The following PCDHA8 variants were observed in gnomAD, a reference collection of about 807,000 sequenced individuals.
PCDHA8 encodes protocadherin alpha-8.
PCDHA8 carries 53 observed loss-of-function variants against 61.8 expected under a neutral mutation model. That is an observed-to-expected ratio of 0.86 (90% confidence interval 0.69 to 1.08). The LOEUF (loss-of-function observed/expected upper bound fraction) is 1.08, where lower values mean the gene tolerates loss of function less well. Among genes scored for constraint, PCDHA8 ranks in the 50% least tolerant of loss-of-function variants. PCDHA8 has a pLI of 0.00. For synonymous variants in PCDHA8, 618 were observed against 556.6 expected (o/e 1.11, Z -1.55); for missense variants, 1,293 against 1,245.0 (o/e 1.04, Z -0.58).
At chr5:140,922,181 A>G (rs2080696715) in intron 1 of PCDHA8, among the ~76,000 whole-genome samples, 1 of 152,324 alleles carries the variant, frequency 6.6e-6, no homozygotes, top group South Asian at 2.1e-4. Context: ...GCAGACAAAA[A>G]AAAAGTCTTA....
At chr5:140,986,694 C>T (rs556228464) in intron 3 of PCDHA8, among the ~76,000 whole-genome samples, 1 of 152,266 alleles carries the variant, frequency 6.6e-6, no homozygotes, top group South Asian at 2.1e-4. Context: ...TTTCAAAACA[C>T]ACAGCACTGC....
intron 1 of PCDHA8, chr5:140,882,902 C>T (rs1554176043): frequency 6.2e-7 from 1 of 1,614,196 alleles, no homozygotes; most frequent in Admixed American, 1.7e-5. Flanking sequence ...TAGTTTATTA[C>T]TGACAGCCAG....
At chr5:140,909,484 G>A (rs981292788) in intron 1 of PCDHA8, among the ~76,000 whole-genome samples, 1 of 152,180 alleles carries the variant, frequency 6.6e-6, no homozygotes, top group African/African-American at 2.4e-5. Context: ...CTAAATAGGA[G>A]AGCTGAACGG....
chr5:140,899,259 G>C (rs2067235630), intron 1 of PCDHA8, among the ~76,000 whole-genome samples: 1 of 152,126 alleles, frequency 6.6e-6, no homozygotes, highest in African/African-American at 2.4e-5. Context: ...GGGCATCCCT[G>C]TCTTGTGGCA....
In PCDHA8 at chr5:140,856,944, G is replaced by A; in HGVS notation, c.2394+13229G>A. Reference sequence around the variant, plus strand: ...AAATTTTGGATAAACGAAAGGACGGGAGAAATAAAAGTAAATGATGCTATT... The same window carrying A: ...AAATTTTGGATAAACGAAAGGACGGAAGAAATAAAAGTAAATGATGCTATT... On this transcript the variant is annotated intron_variant, in intron 1 of 3. Transcript: ENST00000531613. 1.9e-6 allele frequency: 3 copies of A among 1,593,674 alleles called. 1 individual carries two copies. The highest frequency in any genetic ancestry group is 2.6e-6 in the Non-Finnish European group (3 of 1,163,664).
intron 3 of PCDHA8, among the ~76,000 whole-genome samples, chr5:141,009,288 C>G (rs373954362): frequency 6.6e-6 from 1 of 152,068 alleles, no homozygotes; most frequent in African/African-American, 2.4e-5. Flanking sequence ...GATCCCATTT[C>G]TATAAAATTT....
intron 1 of PCDHA8, among the ~76,000 whole-genome samples, chr5:140,894,100 G>C (rs1554185932): frequency 2.0e-5 from 3 of 151,990 alleles, no homozygotes; most frequent in African/African-American, 7.3e-5. Context: ...CTAGCTCCTG[G>C]TGTTGCAGAT....
chr5:140,882,451 G>T (rs2059142751), intron 1 of PCDHA8: 4 of 1,613,922 alleles, frequency 2.5e-6, no homozygotes, highest in African/African-American at 1.3e-5. Flanking sequence ...AGCTGGTGCC[G>T]CGCCTGTTCC....
At chr5:140,866,158 A>G (rs560063709) in intron 1 of PCDHA8, 1 of 152,270 alleles carries the variant, frequency 6.6e-6, no homozygotes, top group East Asian at 1.9e-4. Context: ...ATAAGTAAGA[A>G]TCGTTTAACA....
chr5:140,870,339 G>A (rs1554164098), intron 1 of PCDHA8: 1 of 1,614,064 alleles, frequency 6.2e-7, no homozygotes, highest in East Asian at 2.2e-5. Context: ...ACAGCGCCCT[G>A]GACCGCGAGA....
chr5:140,941,185 C>CTTT (rs782102770), intron 1 of PCDHA8, among the ~76,000 whole-genome samples: 77 of 102,238 alleles, frequency 7.5e-4, no homozygotes, highest in Admixed American at 3.0e-3. Flanking sequence ...CATCCTGCTT[C>CTTT]TTTTTTTTTC....
chr5:140,993,408 A>G (rs985721464), intron 3 of PCDHA8, among the ~76,000 whole-genome samples: 1 of 150,930 alleles, frequency 6.6e-6, no homozygotes, highest in African/African-American at 2.4e-5. Flanking sequence ...AACCACCTTC[A>G]TCAGCATTTC....
chr5:140,999,180 GAGA>G (rs1554256675), intron 3 of PCDHA8, among the ~76,000 whole-genome samples: 1 of 152,238 alleles, frequency 6.6e-6, no homozygotes, highest in East Asian at 1.9e-4. Context: ...GCCTGATGGG[GAGA>G]GGGTCCTTGG....
In PCDHA8 at chr5:140,842,263, C is replaced by T; in HGVS notation, c.942C>T (p.Asn314=). 6.2e-7 allele frequency: 1 copy of T among 1,611,084 alleles called. No homozygotes were observed. Among genetic ancestry groups the T allele is most frequent in the Non-Finnish European group, 8.5e-7 (1 of 1,177,436 alleles). Residue 314 remains asparagine (N), a synonymous_variant, in exon 1 of 4, where the codon AAC becomes AAT. Coordinates refer to ENST00000531613, the MANE Select transcript of PCDHA8 (RefSeq NM_018911.3). ...GTAATTTGGATTTTGAACAAGAAAA[C>T]TTATACAAAATCCTCATTGACGCCA... is the stretch of plus-strand genomic sequence containing the variant. The part of the protein sequence containing the change: ...IRGNLDFEQE[N]LYKILIDATD...
chr5:141,010,291 G>A lies in PCDHA8; in HGVS notation c.*354G>A. ...GGATCCTGTCTTGATGACACTTGCA[G>A]GGCAGGCTGAAAAGTTTTGAGATTG... On this transcript the variant is annotated 3_prime_UTR_variant, in exon 4 of 4. Coordinates refer to ENST00000531613, the MANE Select transcript of PCDHA8 (RefSeq NM_018911.3). 1.3e-6 allele frequency: 2 copies of A among 1,549,990 alleles called. No individual in the cohort carries two copies. The highest frequency in any genetic ancestry group is 1.2e-5 in the South Asian group (1 of 83,762).
chr5:140,870,017 G>T, intron 1 of PCDHA8: 1 of 1,613,620 alleles, frequency 6.2e-7, no homozygotes, highest in Non-Finnish European at 8.5e-7. Flanking sequence ...AGGGTCAATG[G>T]AACTTTAGAT....
At chr5:140,932,538 T>C (rs538830618) in intron 1 of PCDHA8, among the ~76,000 whole-genome samples, 1 of 152,036 alleles carries the variant, frequency 6.6e-6, no homozygotes, top group South Asian at 2.1e-4. Context: ...CAAGGTGCTT[T>C]ATTTAACATA....
At chr5:140,979,055 T>A (rs2096833782) in intron 2 of PCDHA8, 48 bp downstream of exon 2, 1 of 1,607,848 alleles carries the variant, frequency 6.2e-7, no homozygotes, top group Non-Finnish European at 8.5e-7. Flanking sequence ...TAACTTGGTA[T>A]GGCTCAGATA....
chr5:140,962,014 G>C (rs2095650512), intron 1 of PCDHA8, among the ~76,000 whole-genome samples: 1 of 151,888 alleles, frequency 6.6e-6, no homozygotes, highest in African/African-American at 2.4e-5. Flanking sequence ...TTCCCGAGTA[G>C]CTGGGACTAC....
Sources: allele counts gnomAD v4.1 joint callset (sites outside exome capture counted in the v4.1 genomes callset), GRCh38; gene constraint gnomAD v4.1.1; transcripts MANE v1.5; gene names NCBI Gene and HGNC (gene_info 2026-07-23, HGNC 2026-07-21).